The following NAALADL2 variants were observed in gnomAD, a reference collection of about 807,000 sequenced individuals.
NAALADL2 encodes the protein inactive N-acetylated-alpha-linked acidic dipeptidase-like protein 2.
Under a neutral mutation model 87.2 loss-of-function variants are expected in NAALADL2, and 76 were observed. The observed-to-expected ratio is 0.87, with a 90% CI of 0.72 to 1.05. The LOEUF (loss-of-function observed/expected upper bound fraction) is 1.05. NAALADL2 is among the 50% of genes least tolerant of loss of function. The pLI is 0.00. For missense variants in NAALADL2, 1,089 were observed against 945.8 expected (o/e 1.15, Z -1.99); for synonymous variants, 354 against 331.0 (o/e 1.07, Z -0.75).
chr3:175,796,313 CAA>C (rs1222133686), intron 13 of NAALADL2, among the ~76,000 whole-genome samples: 4 of 152,082 alleles, frequency 2.6e-5, no homozygotes, highest in Non-Finnish European at 5.9e-5. Flanking sequence ...GAATGAGCTG[CAA>C]AGTCTTATTT....
intron 1 of NAALADL2, among the ~76,000 whole-genome samples, chr3:175,015,001 G>A (rs765193196): frequency 6.6e-6 from 1 of 151,956 alleles, no homozygotes; most frequent in African/African-American, 2.4e-5. Flanking sequence ...AACATTAGAT[G>A]TGTATTAGAT....
chr3:175,114,130 G>A (rs1174048226), intron 2 of NAALADL2, among the ~76,000 whole-genome samples: 2 of 151,622 alleles, frequency 1.3e-5, no homozygotes, highest in African/African-American at 4.8e-5. Flanking sequence ...TCAAAGAGCT[G>A]AAAGCCTTAG....
chr3:175,496,852 G>A (rs1728886656), intron 9 of NAALADL2, among the ~76,000 whole-genome samples: 2 of 151,920 alleles, frequency 1.3e-5, no homozygotes. Flanking sequence ...GAGCCACCAG[G>A]CCTGGCTGAT....
intron 2 of NAALADL2, among the ~76,000 whole-genome samples, chr3:175,122,334 C>T (rs1390255136): frequency 6.6e-6 from 1 of 151,952 alleles, no homozygotes; most frequent in Non-Finnish European, 1.5e-5. Context: ...TGCAATCCCC[C>T]AATTTCACGT....
At chr3:174,750,386 G>A (rs1346257332) in intron 3 of NAALADL2, among the ~76,000 whole-genome samples, 1 of 151,972 alleles carries the variant, frequency 6.6e-6, no homozygotes, top group African/African-American at 2.4e-5. Context: ...TCTCTTGAAG[G>A]ATATTTCATT....
chr3:174,849,793 A>G (rs1474543417), intron 3 of NAALADL2, among the ~76,000 whole-genome samples: 1 of 148,518 alleles, frequency 6.7e-6, no homozygotes. Context: ...AGGCCTACGC[A>G]GGGTTAGGAT....
At chr3:175,181,015 C>T (rs1736383483) in intron 2 of NAALADL2, among the ~76,000 whole-genome samples, 1 of 151,964 alleles carries the variant, frequency 6.6e-6, no homozygotes, top group South Asian at 2.1e-4. Flanking sequence ...GAGGCAGCTC[C>T]ATCTTGATGT....
intron 1 of NAALADL2, among the ~76,000 whole-genome samples, chr3:175,063,513 G>T (rs1274465961): frequency 6.6e-6 from 1 of 151,716 alleles, no homozygotes. Flanking sequence ...GTCTTGTTCT[G>T]TCACCCAGCC....
At chr3:175,447,454 G>A in intron 6 of NAALADL2, 82 bp downstream of exon 6, 2 of 908,116 alleles carry the variant, frequency 2.2e-6, no homozygotes, top group Non-Finnish European at 3.1e-6. Flanking sequence ...ATTGATGTAT[G>A]TAGGATTATT....
intron 1 of NAALADL2, among the ~76,000 whole-genome samples, chr3:175,077,262 T>C (rs1716777996): frequency 2.0e-5 from 3 of 152,214 alleles, no homozygotes; most frequent in Admixed American, 1.3e-4. Context: ...TGTAAAACGA[T>C]TGGAGAGACC....
chr3:175,238,296 C>A (rs144329633), intron 3 of NAALADL2, among the ~76,000 whole-genome samples: 3 of 151,834 alleles, frequency 2.0e-5, no homozygotes, highest in Admixed American at 6.6e-5. Flanking sequence ...TTTAAAAAAA[C>A]TTTTAAAATG....
rs139737498 is a variant in NAALADL2 at position 174,958,950 on chromosome 3, C to T, written c.43+99500C>T. Among the ~76,000 whole-genome samples, 179 of 152,114 alleles carry T rather than the reference C, an allele frequency of 1.2e-3. 2 individuals carry two copies. The East Asian group carries it at 0.031, about 26-fold the overall frequency. On this transcript the variant is annotated intron_variant, in intron 1 of 13. Transcript: ENST00000454872. ...AATTGTTTATGTAATAACTATCATT[C>T]AAAAAGTAATTATTTCCGAAGTGTT...
At chr3:174,487,698 T>TA (rs1717941467) in intron 1 of NAALADL2, among the ~76,000 whole-genome samples, 1 of 151,412 alleles carries the variant, frequency 6.6e-6, no homozygotes, top group African/African-American at 2.4e-5. Context: ...TAAGAGTGTT[T>TA]TTTTTTTTTT....
At chr3:174,645,663 C>A (rs1297122147) in intron 2 of NAALADL2, among the ~76,000 whole-genome samples, 3 of 151,882 alleles carry the variant, frequency 2.0e-5, no homozygotes, top group African/African-American at 7.3e-5. Context: ...ATGAGAAGAT[C>A]TTGGGTCGAT....
chr3:174,664,952 A>C (rs1725830245), intron 2 of NAALADL2, among the ~76,000 whole-genome samples: 1 of 152,328 alleles, frequency 6.6e-6, no homozygotes, highest in East Asian at 1.9e-4. Context: ...TCAGCATACC[A>C]AGCAACTTGT....
intron 2 of NAALADL2, among the ~76,000 whole-genome samples, chr3:175,154,848 T>C (rs1732064531): frequency 6.6e-6 from 1 of 152,134 alleles, no homozygotes; most frequent in Non-Finnish European, 1.5e-5. Flanking sequence ...AAGCCACTGT[T>C]TGAAAGGATT....
intron 1 of NAALADL2, among the ~76,000 whole-genome samples, chr3:174,875,694 T>G (rs1463561380): frequency 1.3e-5 from 2 of 152,154 alleles, no homozygotes; most frequent in Non-Finnish European, 2.9e-5. Flanking sequence ...CCTTAATTTA[T>G]GACTAAAATA....
intron 1 of NAALADL2, among the ~76,000 whole-genome samples, chr3:174,938,864 G>A (rs1738125575): frequency 6.6e-6 from 1 of 151,848 alleles, no homozygotes; most frequent in African/African-American, 2.4e-5. Context: ...TTTTTAATGA[G>A]GTTGTTTGTT....
chr3:175,197,648 A>G (rs1229018643), intron 2 of NAALADL2, among the ~76,000 whole-genome samples: 1 of 150,306 alleles, frequency 6.7e-6, no homozygotes, highest in African/African-American at 2.5e-5. Flanking sequence ...TTAATTAATT[A>G]AGATTTGTCA....
Sources: gnomAD v4.1 joint callset for allele counts (sites outside exome capture counted in the v4.1 genomes callset) on GRCh38, gnomAD v4.1.1 for gene constraint, MANE v1.5 for transcripts, NCBI Gene and HGNC (gene_info 2026-07-23, HGNC 2026-07-21) for gene names.